Variants in FAM234B observed in about 807,000 individuals in gnomAD.
The protein encoded by FAM234B is protein FAM234B.
A neutral mutation model predicts 69.3 loss-of-function variants in FAM234B; 33 were observed. That is an observed-to-expected ratio of 0.48 (90% CI 0.36 to 0.64). The LOEUF is 0.64. Ranked by LOEUF, FAM234B falls within the 30% of genes least tolerant of loss-of-function variation. FAM234B has a pLI of 0.00. For synonymous variants in FAM234B, 306 were observed against 306.9 expected, an observed-to-expected ratio of 1.00 and a Z score of 0.03; for missense variants, 697 against 769.7, an observed-to-expected ratio of 0.91 and a Z score of 1.12.
intron 1 of FAM234B, among the ~76,000 whole-genome samples, chr12:13,053,643 G>C (rs1383297755): frequency 6.6e-6 from 1 of 152,154 alleles, no homozygotes; most frequent in Non-Finnish European, 1.5e-5. Context: ...CAAGGCAAAG[G>C]CAAAGTTAGA....
chr12:13,080,599 A>C (rs1194902200), intron 12 of FAM234B, 26 bp from the exon 13 acceptor site: 3 of 1,593,368 alleles, frequency 1.9e-6, no homozygotes, highest in Non-Finnish European at 1.7e-6. Context: ...AAAAACAATA[A>C]AGTCACGATA....
chr12:13,053,134 C>T (rs890109910), intron 1 of FAM234B, among the ~76,000 whole-genome samples: 2 of 152,000 alleles, frequency 1.3e-5, no homozygotes, highest in Non-Finnish European at 2.9e-5. Context: ...CCTTAAAAAT[C>T]AAGTCTAATA....
chr12:13,047,655 C>T (rs376337361), intron 1 of FAM234B, among the ~76,000 whole-genome samples: 2 of 152,156 alleles, frequency 1.3e-5, no homozygotes, highest in East Asian at 1.9e-4. Context: ...CTGTGGAAAG[C>T]GCATTTATAA....
In FAM234B at chr12:13,079,820, T is replaced by G; in HGVS notation, c.1674T>G (p.Phe558Leu). The G allele has an allele frequency of 1.9e-6, 3 of 1,614,048 alleles. No homozygotes were observed. Among genetic ancestry groups the G allele is most frequent in the Non-Finnish European group, 2.5e-6 (3 of 1,179,962 alleles). ...TTAACGACCTCTGGAAAGATGCCTTTTATGTTACCAGGACAACAGGGCCAA... is the reference window on the plus strand; with the variant it reads ...TTAACGACCTCTGGAAAGATGCCTTGTATGTTACCAGGACAACAGGGCCAA... ...VGINDLWKDAFYVTRTTGPSS... is the reference protein window; with the variant it reads ...VGINDLWKDALYVTRTTGPSS... The change falls in exon 12 of 13, where the codon TTT becomes TTG. Residue 558 changes from phenylalanine (F) to leucine (L), a missense_variant. Phe to Leu is a conservative substitution (Grantham distance 22, BLOSUM62 0). Coordinates refer to ENST00000197268, the MANE Select transcript of FAM234B (RefSeq NM_020853.2).
rs771230835 is a variant in FAM234B at position 13,061,781 on chromosome 12, C to T, written c.721+18C>T. On this transcript the variant is annotated intron_variant, in intron 4 of 12. Coordinates refer to ENST00000197268, the MANE Select transcript of FAM234B (RefSeq NM_020853.2). ...AACGTCAGGTAAATACCATTTACCA[C>T]AAAAGAACTTTGCTCCTACGAGCCA... is the stretch of plus-strand genomic sequence containing the variant. 6.0e-5 allele frequency: 95 copies of T among 1,590,742 alleles called. No homozygotes were observed. In the Middle Eastern group the frequency reaches 6.7e-4, roughly 11 times the overall value.
intron 11 of FAM234B, among the ~76,000 whole-genome samples, chr12:13,077,819 T>C (rs1451465419): frequency 6.6e-6 from 1 of 152,170 alleles, no homozygotes; most frequent in Non-Finnish European, 1.5e-5. Context: ...ATGGTATTTC[T>C]AGTTCTAGAT....
At chr12:13,048,700 C>A (rs1864839503) in intron 1 of FAM234B, among the ~76,000 whole-genome samples, 2 of 152,316 alleles carry the variant, frequency 1.3e-5, no homozygotes, top group South Asian at 4.1e-4. Context: ...TGTTACCTAT[C>A]ACTTGCTGTT....
At chr12:13,080,193 T>C (rs1865208964) in intron 12 of FAM234B, among the ~76,000 whole-genome samples, 184 bp downstream of exon 12, 1 of 152,176 alleles carries the variant, frequency 6.6e-6, no homozygotes, top group Non-Finnish European at 1.5e-5. Context: ...TGATTCTCAA[T>C]TGTTTTCAGC....
intron 1 of FAM234B, among the ~76,000 whole-genome samples, chr12:13,049,300 C>A (rs1358705468): frequency 2.0e-5 from 3 of 152,234 alleles, no homozygotes; most frequent in African/African-American, 7.2e-5. Context: ...ATGCCTCAGC[C>A]TCCTGAGTAG....
chr12:13,071,900 T>A (rs1181674181), intron 10 of FAM234B, among the ~76,000 whole-genome samples: 3 of 152,100 alleles, frequency 2.0e-5, no homozygotes, highest in Non-Finnish European at 4.4e-5. Context: ...GGAGAGAAGG[T>A]CTGACACCTA....
Position 13,055,827 on chromosome 12 carries a change from C to T in FAM234B, c.314C>T (p.Ser105Phe). The change falls in exon 2 of 13, where the codon TCT becomes TTT. Residue 105 changes from serine to phenylalanine, a missense_variant. Ser to Phe is a radical substitution (Grantham distance 155). Transcript: ENST00000197268. ...TCCCTGGTGTCATATGTGCGCACGT[C>T]TGTCTTCCTGCTGACTTTGGGGATC... ...ASSLVSYVRT[S>F]VFLLTLGISM... is the part of the protein sequence containing the mutation. 3 of 1,614,160 alleles carry T rather than the reference C, an allele frequency of 1.9e-6. No homozygotes were observed. Among genetic ancestry groups the T allele is most frequent in the Non-Finnish European group, 2.5e-6 (3 of 1,180,034 alleles).
intron 5 of FAM234B, among the ~76,000 whole-genome samples, chr12:13,063,602 A>G (rs188263727): frequency 6.8e-4 from 103 of 152,348 alleles, no homozygotes; most frequent in African/African-American, 2.4e-3. Flanking sequence ...CCCTTGAATT[A>G]TGGTCCTAAA....
At chr12:13,069,275 T>G (rs1288303160) in intron 9 of FAM234B, among the ~76,000 whole-genome samples, 1 of 152,192 alleles carries the variant, frequency 6.6e-6, no homozygotes, top group Non-Finnish European at 1.5e-5. Flanking sequence ...ATATAATGAT[T>G]GGATGGATGA....
intron 11 of FAM234B, among the ~76,000 whole-genome samples, chr12:13,077,154 T>C (rs751542723): frequency 6.6e-6 from 1 of 152,070 alleles, no homozygotes; most frequent in Non-Finnish European, 1.5e-5. Context: ...TAGATCTGAG[T>C]GAGCTGTTTT....
At chr12:13,061,146 C>T (rs1291695540) in intron 3 of FAM234B, among the ~76,000 whole-genome samples, 1 of 152,212 alleles carries the variant, frequency 6.6e-6, no homozygotes, top group Admixed American at 6.5e-5. Flanking sequence ...ATCTTTTCCT[C>T]CTGGTTTTTT....
chr12:13,058,903 A>C (rs2120465404), intron 3 of FAM234B, among the ~76,000 whole-genome samples: 1 of 152,294 alleles, frequency 6.6e-6, no homozygotes, highest in Non-Finnish European at 1.5e-5. Flanking sequence ...ATTATAGTGA[A>C]CATTGACTTT....
At chr12:13,061,118 T>A (rs1169615874) in intron 3 of FAM234B, among the ~76,000 whole-genome samples, 1 of 152,232 alleles carries the variant, frequency 6.6e-6, no homozygotes, top group African/African-American at 2.4e-5. Context: ...TCTGGATCAG[T>A]CTCATGTTTC....
intron 5 of FAM234B, among the ~76,000 whole-genome samples, chr12:13,063,202 G>T (rs1175328421): frequency 6.6e-6 from 1 of 152,170 alleles, no homozygotes; most frequent in Non-Finnish European, 1.5e-5. Flanking sequence ...GAGCTTTAGA[G>T]TTAGTTAGGT....
chr12:13,063,922 A>T (rs1275934987), intron 5 of FAM234B, among the ~76,000 whole-genome samples: 1 of 152,208 alleles, frequency 6.6e-6, no homozygotes, highest in East Asian at 1.9e-4. Context: ...ATTTTAATAG[A>T]CCTTGTGTTT....
Sources: allele counts gnomAD v4.1 joint callset (sites outside exome capture counted in the v4.1 genomes callset), GRCh38; gene constraint gnomAD v4.1.1; transcripts MANE v1.5; gene names NCBI Gene and HGNC (gene_info 2026-07-23, HGNC 2026-07-21).